The following ZSCAN25 variants were observed in gnomAD, a reference collection of about 807,000 sequenced individuals.
ZSCAN25 encodes zinc finger and SCAN domain-containing protein 25.
Under a neutral mutation model 38.7 loss-of-function variants are expected in ZSCAN25, and 27 were observed. The observed-to-expected ratio is 0.70, with a 90% CI of 0.51 to 0.96. ZSCAN25 has a LOEUF of 0.96. ZSCAN25 is among the 40% of genes least tolerant of loss of function. ZSCAN25 has a pLI of 0.00. For synonymous variants in ZSCAN25, 273 were observed against 277.7 expected, an observed-to-expected ratio of 0.98 and a Z score of 0.17; for missense variants, 637 against 705.9, an observed-to-expected ratio of 0.90 and a Z score of 1.11.
At chr7:99,663,135 T>C in the ZSCAN25 span, 9 of 1,206,228 alleles carry the variant, frequency 7.5e-6, no homozygotes, top group Non-Finnish European at 9.4e-6. Context: ...CTGTTTCTCA[T>C]CTTCTCTGTC....
chr7:99,664,109 AAAAC>A, the ZSCAN25 span: 113 of 1,551,732 alleles, frequency 7.3e-5, no homozygotes, highest in Admixed American at 2.1e-4. Context: ...TGGGAAAAAC[AAAAC>A]AAACAAAAGG....
the ZSCAN25 span, among the ~76,000 whole-genome samples, chr7:99,688,993 G>C: frequency 6.6e-6 from 1 of 152,134 alleles, no homozygotes; most frequent in Non-Finnish European, 1.5e-5. Flanking sequence ...CAACATACCA[G>C]AATCTCTGGG....
At chr7:99,709,849 G>A in the ZSCAN25 span, among the ~76,000 whole-genome samples, 4 of 151,790 alleles carry the variant, frequency 2.6e-5, no homozygotes, top group African/African-American at 9.7e-5. Flanking sequence ...CATAAAATGT[G>A]GAGAGAAACA....
chr7:99,624,348 A>G (rs982357576), intron 7 of ZSCAN25, 168 bp downstream of exon 7: 8 of 725,700 alleles, frequency 1.1e-5, no homozygotes, highest in African/African-American at 1.8e-5. Context: ...TCCTGTGTCA[A>G]TAGAGGAGCC....
the ZSCAN25 span, chr7:99,663,535 C>G: frequency 1.1e-4 from 109 of 992,120 alleles, no homozygotes; most frequent in Non-Finnish European, 1.2e-4. Flanking sequence ...TACATGTCAG[C>G]AGTCGGCAGG....
At chr7:99,717,481 AT>A in the ZSCAN25 span, 1 of 1,609,682 alleles carries the variant, frequency 6.2e-7, no homozygotes, top group Non-Finnish European at 8.5e-7. Flanking sequence ...TCCCCACCTG[AT>A]TCATTCTTTA....
intron 6 of ZSCAN25, 80 bp downstream of exon 6, chr7:99,622,720 C>T (rs1366173163): frequency 5.2e-6 from 7 of 1,355,082 alleles, no homozygotes; most frequent in Non-Finnish European, 7.3e-6. Context: ...CTCTGCACAA[C>T]AGTGTTCCCT....
chr7:99,698,874 C>T, the ZSCAN25 span, among the ~76,000 whole-genome samples: 1 of 152,120 alleles, frequency 6.6e-6, no homozygotes, highest in Non-Finnish European at 1.5e-5. Flanking sequence ...AACCATGTTG[C>T]CACAACTCAC....
At chr7:99,686,327 G>A in the ZSCAN25 span, among the ~76,000 whole-genome samples, 10 of 152,284 alleles carry the variant, frequency 6.6e-5, no homozygotes, top group Non-Finnish European at 8.8e-5. Flanking sequence ...CTTTTCCAAC[G>A]GGCTTAAAAA....
the ZSCAN25 span, among the ~76,000 whole-genome samples, chr7:99,662,194 G>A: frequency 0.03 from 4,553 of 152,276 alleles, 231 homozygotes; most frequent in African/African-American, 0.1. This position sits in a 1 kb window ranked among gnomAD's most constrained non-coding sequence, Gnocchi z 4.3. Flanking sequence ...CAAAAATTTT[G>A]TGAGATGGTT....
At chr7:99,674,292 A>G in the ZSCAN25 span, 4 of 378,162 alleles carry the variant, frequency 1.1e-5, no homozygotes, top group East Asian at 1.2e-4. Flanking sequence ...CATATTTTCT[A>G]TGGAGCATCT....
chr7:99,650,125 G>T, the ZSCAN25 span: 2 of 1,614,148 alleles, frequency 1.2e-6, no homozygotes, highest in South Asian at 2.2e-5. Flanking sequence ...TCTGATTAGA[G>T]CAAGTTTCAT....
chr7:99,722,395 T>G, the ZSCAN25 span: 3 of 1,604,698 alleles, frequency 1.9e-6, no homozygotes, highest in South Asian at 3.3e-5. Context: ...TTAAGTGTAC[T>G]TAACCCTGCC....
the ZSCAN25 span, among the ~76,000 whole-genome samples, chr7:99,711,507 A>T: frequency 1.3e-4 from 20 of 152,192 alleles, no homozygotes; most frequent in African/African-American, 4.8e-4. Flanking sequence ...GGTGGCACAC[A>T]CCTGTAATCC....
rs2151304719 is a variant in ZSCAN25, at chr7:99,631,679, A to G, written c.*1659A>G. On this transcript the variant is annotated 3_prime_UTR_variant, in exon 8 of 8. Transcript: ENST00000394152. ...ATGGTAATGACTAACACAAAGCTGT[A>G]TTACTCAGCCCACTTTGAAACGTGG... 2.0e-6 allele frequency: 2 copies of G among 985,172 alleles called. No homozygotes were observed. The highest frequency in any genetic ancestry group is 1.2e-6 in the Non-Finnish European group (1 of 829,888). 61.0% of individuals were successfully genotyped at this position (985,172 alleles called of 1,614,324 possible). A position where few individuals can be genotyped will look rare whatever the true frequency, so the allele number is the denominator to read the frequency against.
At chr7:99,618,040 C>A in intron 1 of ZSCAN25, 1 of 152,348 alleles carries the variant, frequency 6.6e-6, no homozygotes, top group African/African-American at 2.4e-5. Context: ...CACAAACTCA[C>A]AATAGAATAT....
At chr7:99,625,040 A>G (rs923734025) in intron 7 of ZSCAN25, among the ~76,000 whole-genome samples, 2 of 152,112 alleles carry the variant, frequency 1.3e-5, no homozygotes, top group Non-Finnish European at 2.9e-5. Context: ...CCTTATCCTG[A>G]AATGCCTTGA....
At chr7:99,684,673 G>A in the ZSCAN25 span, among the ~76,000 whole-genome samples, 1 of 152,088 alleles carries the variant, frequency 6.6e-6, no homozygotes, top group East Asian at 1.9e-4. Flanking sequence ...GAAAGTATCC[G>A]ATGATACTTT....
the ZSCAN25 span, among the ~76,000 whole-genome samples, chr7:99,732,374 A>G: frequency 6.6e-6 from 1 of 152,064 alleles, no homozygotes; most frequent in Non-Finnish European, 1.5e-5. Flanking sequence ...TTCCTTTCTA[A>G]ATTACCCACC....
Sources: gnomAD v4.1 joint callset for allele counts (sites outside exome capture counted in the v4.1 genomes callset) on GRCh38, gnomAD v4.1.1 for gene constraint, Gnocchi (gnomAD v3.1) non-coding constraint, MANE v1.5 for transcripts, NCBI Gene and HGNC (gene_info 2026-07-23, HGNC 2026-07-21) for gene names.